KIRREL1: variants seen among roughly 807,000 people sequenced by gnomAD.
KIRREL1 encodes the protein kin of IRRE-like protein 1.
KIRREL1 carries 25 observed loss-of-function variants against 83.3 expected under a neutral mutation model. The observed-to-expected ratio is 0.30, with a 90% CI of 0.22 to 0.42. The LOEUF (loss-of-function observed/expected upper bound fraction) is 0.42. KIRREL1 is among the 10% of genes least tolerant of loss of function. The probability of loss-of-function intolerance (pLI) is 1.00; values close to 1 mark genes in which losing one functional copy is unlikely to be tolerated. For synonymous variants in KIRREL1, 388 were observed against 410.4 expected, an observed-to-expected ratio of 0.95 and a Z score of 0.66; for missense variants, 812 against 1,032.3, an observed-to-expected ratio of 0.79 and a Z score of 2.92.
intron 1 of KIRREL1, among the ~76,000 whole-genome samples, chr1:157,999,710 G>A (rs1263285132): frequency 6.6e-6 from 1 of 151,298 alleles, no homozygotes; most frequent in African/African-American, 2.4e-5. Flanking sequence ...AGGGTTCTTT[G>A]ACCTGGAAAA....
At chr1:158,071,079 T>C (rs1046683449) in intron 1 of KIRREL1, among the ~76,000 whole-genome samples, 4 of 152,166 alleles carry the variant, frequency 2.6e-5, no homozygotes, top group Non-Finnish European at 5.9e-5. Flanking sequence ...TCCATCTCTC[T>C]GCCTTCCTTC....
At chr1:158,072,881 AGG>A in intron 1 of KIRREL1, among the ~76,000 whole-genome samples, 1 of 5,398 alleles carries the variant, frequency 1.9e-4, no homozygotes, top group Non-Finnish European at 9.0e-4. Context: ...GTTAGCAGGA[AGG>A]AAGGGGAGAG....
chr1:158,074,954 T>A (rs1347191917), intron 1 of KIRREL1, among the ~76,000 whole-genome samples: 1 of 152,166 alleles, frequency 6.6e-6, no homozygotes. Context: ...AGGCCGTGAC[T>A]TTTGGGGAGA....
Position 158,093,668 on chromosome 1 carries a change from C to T in KIRREL1, c.1625C>T (p.Thr542Ile). Residue 542 changes from threonine (T) to isoleucine (I), a missense_variant, in exon 13 of 15, where the codon ACA becomes ATA. Physicochemically the swap from Thr to Ile is moderately conservative, Grantham distance 89. This residue lies in a region of KIRREL1 where 334 missense variants were observed against 383.7 expected (regional missense o/e 0.87). Coordinates refer to ENST00000359209, the MANE Select transcript of KIRREL1 (RefSeq NM_018240.7). ...AGGAAGCTGGATATCAAGGTGGAGA[C>T]AGTGAACCGAGAGCCACTTACGATG... The part of the protein sequence containing the change: ...TLRKLDIKVE[T>I]VNREPLTMHS... The T allele has an allele frequency of 1.9e-6, 3 of 1,614,204 alleles. No individual in the cohort carries two copies. The highest frequency in any genetic ancestry group is 2.5e-6 in the Non-Finnish European group (3 of 1,180,036).
At chr1:158,036,523 G>A (rs1278854081) in intron 1 of KIRREL1, among the ~76,000 whole-genome samples, 1 of 152,172 alleles carries the variant, frequency 6.6e-6, no homozygotes, top group Non-Finnish European at 1.5e-5. Context: ...AATTCGAGAG[G>A]GCTTCTAGAC....
intron 4 of KIRREL1, among the ~76,000 whole-genome samples, chr1:158,085,238 A>C (rs1489405026): frequency 6.6e-6 from 1 of 152,214 alleles, no homozygotes; most frequent in African/African-American, 2.4e-5. Context: ...GGTTGGGGTT[A>C]CCCTGCCAGT....
At chr1:158,018,767 ATGG>A (rs1294961078) in intron 1 of KIRREL1, among the ~76,000 whole-genome samples, 5 of 152,188 alleles carry the variant, frequency 3.3e-5, no homozygotes, top group African/African-American at 9.6e-5. Context: ...ATGAGGGTCG[ATGG>A]GCCAGTTTGA....
intron 1 of KIRREL1, among the ~76,000 whole-genome samples, chr1:158,012,982 G>T (rs796953177): frequency 4.6e-5 from 7 of 152,260 alleles, no homozygotes; most frequent in African/African-American, 1.7e-4. Context: ...CAGTCTCCAG[G>T]TGTGACAATT....
At chr1:157,998,181 G>A (rs1350962311) in intron 1 of KIRREL1, among the ~76,000 whole-genome samples, 3 of 152,170 alleles carry the variant, frequency 2.0e-5, no homozygotes, top group Non-Finnish European at 2.9e-5. Flanking sequence ...AGAAACTGAG[G>A]TTTAGATACA....
chr1:158,029,612 G>T (rs868094034), intron 1 of KIRREL1, among the ~76,000 whole-genome samples: 13 of 152,136 alleles, frequency 8.5e-5, no homozygotes, highest in Non-Finnish European at 1.6e-4. Context: ...TCTTAACACT[G>T]AGCCTTTATG....
At chr1:158,083,533 T>C (rs2101633592) in intron 3 of KIRREL1, among the ~76,000 whole-genome samples, 1 of 152,338 alleles carries the variant, frequency 6.6e-6, no homozygotes, top group South Asian at 2.1e-4. Context: ...TTGGAACTTA[T>C]GCCCTAGGCA....
intron 1 of KIRREL1, among the ~76,000 whole-genome samples, chr1:158,015,489 G>A (rs1009235890): frequency 2.6e-5 from 4 of 152,128 alleles, no homozygotes; most frequent in African/African-American, 9.7e-5. Context: ...TGAGCATTTG[G>A]TGCTGTGCCA....
At chr1:157,996,139 G>T (rs1659193244) in intron 1 of KIRREL1, among the ~76,000 whole-genome samples, 1 of 151,906 alleles carries the variant, frequency 6.6e-6, no homozygotes, top group Non-Finnish European at 1.5e-5. Context: ...GAGCAGAGAG[G>T]AGAGGGGAAG....
chr1:158,053,594 T>A (rs1350286580), intron 1 of KIRREL1, among the ~76,000 whole-genome samples: 3 of 152,154 alleles, frequency 2.0e-5, no homozygotes, highest in Non-Finnish European at 4.4e-5. Flanking sequence ...GAGGCTTAAT[T>A]TTGCCCTTTA....
chr1:157,999,129 C>T (rs1659285987), intron 1 of KIRREL1, among the ~76,000 whole-genome samples: 1 of 152,148 alleles, frequency 6.6e-6, no homozygotes, highest in African/African-American at 2.4e-5. Flanking sequence ...CTCCTGGTGC[C>T]TCACTCAGCT....
chr1:158,048,525 CT>C (rs1054611424), intron 1 of KIRREL1, among the ~76,000 whole-genome samples: 9 of 152,182 alleles, frequency 5.9e-5, no homozygotes, highest in African/African-American at 2.2e-4. Flanking sequence ...AGATCTAGTC[CT>C]TGCCCACAGT....
intron 1 of KIRREL1, among the ~76,000 whole-genome samples, chr1:157,997,020 C>G (rs78357276): frequency 0.024 from 3,635 of 152,268 alleles, 147 homozygotes; most frequent in African/African-American, 0.082. Flanking sequence ...CCTCTGCCCC[C>G]CTAGGACCTC....
chr1:158,056,434 A>G (rs1661060025), intron 1 of KIRREL1, among the ~76,000 whole-genome samples: 1 of 152,178 alleles, frequency 6.6e-6, no homozygotes, highest in African/African-American at 2.4e-5. Context: ...GCAGGGGTCT[A>G]GGGGTGAGGG....
At chr1:158,072,982 G>A (rs143068623) in intron 1 of KIRREL1, among the ~76,000 whole-genome samples, 232 of 152,242 alleles carry the variant, frequency 1.5e-3, no homozygotes, top group African/African-American at 5.3e-3. Context: ...CAGGACAAGT[G>A]GCCTAGCATC....
Sources: gnomAD v4.1 joint callset for allele counts (sites outside exome capture counted in the v4.1 genomes callset) on GRCh38, gnomAD v4.1.1 for gene constraint, gnomAD v4.1.1 regional missense constraint, MANE v1.5 for transcripts, NCBI Gene and HGNC (gene_info 2026-07-23, HGNC 2026-07-21) for gene names.